Variants in GUCY2D observed in about 807,000 individuals in gnomAD.
GUCY2D encodes guanylate cyclase 2D, retinal, also known as retinal guanylyl cyclase 1.
Under a neutral mutation model 101.3 loss-of-function variants are expected in GUCY2D, and 70 were observed. That is an observed-to-expected ratio of 0.69 (90% CI 0.57 to 0.84). GUCY2D has a LOEUF of 0.84. Among genes scored for constraint, GUCY2D ranks in the 40% least tolerant of loss-of-function variants. GUCY2D has a pLI of 0.00. For missense variants in GUCY2D, 1,460 were observed against 1,542.5 expected (o/e 0.95, Z 0.90); for synonymous variants, 688 against 670.7 (o/e 1.03, Z -0.40).
In GUCY2D at chr17:8,011,542, G is replaced by A. The variant is rs895599602; in HGVS notation, c.1750-602G>A. Among the ~76,000 whole-genome samples, 1 of 152,096 alleles carries A rather than the reference G, an allele frequency of 6.6e-6. No individual in the cohort carries two copies. The highest frequency in any genetic ancestry group is 2.4e-5 in the African/African-American group (1 of 41,410). ...GGCAGTTCAGAGTTTTATGGCTGGG[G>A]CCAGGTGTGGTGGCTCAGGCCTATA... On this transcript the variant is annotated intron_variant, in intron 8 of 19. Transcript: ENST00000254854. This position sits in a 1 kb window ranked among gnomAD's most constrained non-coding sequence, Gnocchi z 4.3.
In GUCY2D at chr17:8,003,335, C is replaced by A. The variant is rs771426657; in HGVS notation, c.288C>A (p.Phe96Leu). The A allele has an allele frequency of 6.8e-7, 1 of 1,479,062 alleles. No individual in the cohort carries two copies. The highest frequency in any genetic ancestry group is 1.3e-5 in the South Asian group (1 of 78,004). 91.6% of individuals were successfully genotyped at this position (1,479,062 alleles called of 1,614,324 possible). A position where few individuals can be genotyped will look rare whatever the true frequency, so the allele number is the denominator to read the frequency against. Residue 96 changes from phenylalanine to leucine, a missense_variant, in exon 2 of 20, where the codon TTC (phenylalanine) becomes TTA (leucine). Around this residue, in one of 3 missense-constraint regions of GUCY2D, gnomAD observed 1,196 missense variants for 1,229.6 expected, o/e 0.97. Coordinates refer to ENST00000254854, the MANE Select transcript of GUCY2D (RefSeq NM_000180.4). Reference sequence around the variant, plus strand: ...CCGGCCTGGCAGGCGGTCCCCGCTTCGAGGTAGCGCTGCTGCCCGAGCCTT... The same window carrying A: ...CCGGCCTGGCAGGCGGTCCCCGCTTAGAGGTAGCGCTGCTGCCCGAGCCTT... The part of the protein sequence containing the change: ...RDPGLAGGPR[F>L]EVALLPEPCR...
rs1567956946 is a variant in GUCY2D at position 8,003,185 on chromosome 17, G to GC, written c.144dup (p.Ala49ArgfsTer270). 6 of 1,513,734 alleles carry GC rather than the reference G, an allele frequency of 4.0e-6. No individual in the cohort carries two copies. Among genetic ancestry groups the GC allele is most frequent in the African/African-American group, 1.4e-5 (1 of 69,332 alleles). The allele number at this position is 1,513,734 out of a possible 1,614,324, so 93.8% of individuals were successfully genotyped here. A position where few individuals can be genotyped will look rare whatever the true frequency, so the allele number is the denominator to read the frequency against. ...TCCTGCTGCTCCTGCTTCTGCTGCAGCCCCCCGCCCTCTCCGCCGTGTTCA... is the reference window on the plus strand; with the variant it reads ...TCCTGCTGCTCCTGCTTCTGCTGCAGCCCCCCCGCCCTCTCCGCCGTGTTCA... On this transcript the variant is annotated frameshift_variant, in exon 2 of 20. Transcript: ENST00000254854. LOFTEE classifies it high-confidence loss of function.
rs1263342867 is a variant in GUCY2D at position 8,015,474 on chromosome 17, C to T, written c.2916C>T (p.Pro972=). The T allele has an allele frequency of 5.0e-6, 8 of 1,612,864 alleles. No homozygotes were observed. The highest frequency in any genetic ancestry group is 3.3e-5 in the Admixed American group (2 of 59,988). Residue 972 remains proline, a synonymous_variant, in exon 15 of 20, where the codon CCC becomes CCT. Coordinates refer to ENST00000254854, the MANE Select transcript of GUCY2D (RefSeq NM_000180.4). ...GCATGCGCCATATGCCTGAGGTTCC[C>T]GTGCGCATCCGCATAGGCCTGCACT... is the stretch of plus-strand genomic sequence containing the variant. The part of the protein sequence containing the change: ...TFRMRHMPEV[P]VRIRIGLHSG...
In GUCY2D at chr17:8,006,460, G is replaced by T; in HGVS notation, c.1124G>T (p.Gly375Val). 6.2e-7 allele frequency: 1 copy of T among 1,605,746 alleles called. No individual in the cohort carries two copies. The change falls in exon 4 of 20, where the codon GGA (glycine) becomes GTA (valine). Residue 375 changes from glycine (G) to valine (V), a missense_variant. By Grantham distance (109) the Gly-to-Val change is moderately radical (BLOSUM62 -3). Transcript: ENST00000254854. ...GCCGCAGGTGGCAGATGGGTGTCCG[G>T]AGCAGCTGTGGCCCGCCACATCCGG... Reference protein sequence around the residue: ...RAAAGGRWVSGAAVARHIRDA... With the variant: ...RAAAGGRWVSVAAVARHIRDA...
At position 8,014,311 on chromosome 17, in the gene GUCY2D, A is replaced by G; in HGVS notation, c.2412+283A>G. On this transcript the variant is annotated intron_variant, in intron 12 of 19. Transcript: ENST00000254854. The surrounding 1 kb of genome is among the most constrained non-coding windows in gnomAD (Gnocchi z 4.0). ...AAGTATGTGCTTGGCCTGCTGTGAC[A>G]GAAAGACCCTTGGCCTGGGAGCCCA... 1.7e-6 allele frequency: 1 copy of G among 601,452 alleles called. No individual in the cohort carries two copies. Among genetic ancestry groups the G allele is most frequent in the Non-Finnish European group, 3.0e-6 (1 of 337,888 alleles). 37.3% of individuals were successfully genotyped at this position (601,452 alleles called of 1,614,324 possible).
In GUCY2D at chr17:8,003,299, G is replaced by A; in HGVS notation, c.252G>A (p.Leu84=). 1.3e-6 allele frequency: 2 copies of A among 1,489,970 alleles called. No individual in the cohort carries two copies. Among genetic ancestry groups the A allele is most frequent in the Non-Finnish European group, 1.8e-6 (2 of 1,126,312 alleles). 92.3% of individuals were successfully genotyped at this position (1,489,970 alleles called of 1,614,324 possible). ...CCGCCCGCCTGGCCGCCGCCCGCCT[G>A]AACCGCGACCCCGGCCTGGCAGGCG... ...DLAARLAAAR[L]NRDPGLAGGP... The change falls in exon 2 of 20, where the codon CTG becomes CTA. Residue 84 remains leucine (L), a synonymous_variant. Transcript: ENST00000254854.
intron 14 of GUCY2D, 99 bp from the exon 15 acceptor site, chr17:8,015,229 T>C: frequency 8.2e-7 from 1 of 1,214,602 alleles, no homozygotes; most frequent in Non-Finnish European, 1.2e-6. Flanking sequence ...AACCTGGTTC[T>C]GCACTAACCC....
chr17:8,014,701 G>T lies in GUCY2D; in HGVS notation c.2513G>T (p.Arg838Leu). 1 of 1,607,636 alleles carries T rather than the reference G, an allele frequency of 6.2e-7. No homozygotes were observed. ...AACCTGGAGGATCTGATCCGGGAGC[G>T]CACGGAGGAGCTGGAGCTGGAAAAG... The part of the protein sequence containing the change: ...SSNLEDLIRE[R>L]TEELELEKQK... Residue 838 changes from arginine (R) to leucine (L), a missense_variant, in exon 13 of 20, where the codon CGC becomes CTC. Coordinates refer to ENST00000254854, the MANE Select transcript of GUCY2D (RefSeq NM_000180.4). The surrounding 1 kb of genome is among the most constrained non-coding windows in gnomAD (Gnocchi z 4.0).
At position 8,006,370 on chromosome 17, in the gene GUCY2D, C is replaced by T. The variant is rs1975736953; in HGVS notation, c.1034C>T (p.Pro345Leu). The T allele has an allele frequency of 6.3e-7, 1 of 1,599,974 alleles. No individual in the cohort carries two copies. The highest frequency in any genetic ancestry group is 8.5e-7 in the Non-Finnish European group (1 of 1,179,804). ...PSDLNLQQVS[P>L]LFGTIYDAVF... ...CCTACTCTCCTTCTCCAGGTCTCCC[C>T]ACTCTTTGGCACCATCTATGACGCG... The change falls in exon 4 of 20, where the codon CCA (proline) becomes CTA (leucine). Residue 345 changes from proline (P) to leucine (L), a missense_variant. Physicochemically the swap from Pro to Leu is moderately conservative, Grantham distance 98. Transcript: ENST00000254854.
At position 8,003,968 on chromosome 17, in the gene GUCY2D, A is replaced by G; in HGVS notation, c.838A>G (p.Thr280Ala). ...CTCCCTGGTCTTCCTGCCCTTCGAC[A>G]CGATCCACTACGCCTTGTCCCCAGG... ...DGSLVFLPFD[T>A]IHYALSPGPE... Residue 280 changes from threonine (T) to alanine (A), a missense_variant, in exon 3 of 20, where the codon ACG becomes GCG. Thr to Ala is a moderately conservative substitution (Grantham distance 58). Around this residue, in one of 3 missense-constraint regions of GUCY2D, gnomAD observed 1,196 missense variants for 1,229.6 expected, o/e 0.97. Coordinates refer to ENST00000254854, the MANE Select transcript of GUCY2D (RefSeq NM_000180.4). The G allele has an allele frequency of 1.2e-6, 2 of 1,613,606 alleles. No individual in the cohort carries two copies. Among genetic ancestry groups the G allele is most frequent in the Non-Finnish European group, 1.7e-6 (2 of 1,179,872 alleles).
chr17:8,003,381 G>A lies in GUCY2D; in HGVS notation c.334G>A (p.Gly112Arg). Reference protein sequence around the residue: ...PEPCRTPGSLGAVSSALARVS... With the variant: ...PEPCRTPGSLRAVSSALARVS... ...GCCTTGCCGGACGCCGGGCTCGCTG[G>A]GGGCCGTGTCCTCCGCGCTGGCCCG... Residue 112 changes from glycine (G) to arginine (R), a missense_variant, in exon 2 of 20, where the codon GGG becomes AGG. Transcript: ENST00000254854. 6.8e-7 allele frequency: 1 copy of A among 1,468,474 alleles called. No homozygotes were observed. The highest frequency in any genetic ancestry group is 9.0e-7 in the Non-Finnish European group (1 of 1,117,010). 91.0% of individuals were successfully genotyped at this position (1,468,474 alleles called of 1,614,324 possible). A position where few individuals can be genotyped will look rare whatever the true frequency, so the allele number is the denominator to read the frequency against.
At position 8,015,322 on chromosome 17, in the gene GUCY2D, C is replaced by T. The variant is rs1975943257; in HGVS notation, c.2770-6C>T. On this transcript the variant is annotated splice_region_variant and splice_polypyrimidine_tract_variant and intron_variant, in intron 14 of 19. Transcript: ENST00000254854. ...AGAAAATTCACACAACTCCTTCTTC[C>T]CCCAGGTGGAGACAATAGGGGACGC... 1 of 1,604,064 alleles carries T rather than the reference C, an allele frequency of 6.2e-7. No homozygotes were observed. The highest frequency in any genetic ancestry group is 2.2e-5 in the East Asian group (1 of 44,880).
chr17:8,006,245 G>C (rs1338714789), intron 3 of GUCY2D, 118 bp from the exon 4 acceptor site: 1 of 777,982 alleles, frequency 1.3e-6, no homozygotes, highest in Non-Finnish European at 2.2e-6. Context: ...AGGGATCCTG[G>C]GAACAACTAA....
rs1598150379 is a variant in GUCY2D, at chr17:8,014,448, C to T, written c.2413-153C>T. 1.3e-6 allele frequency: 1 copy of T among 754,556 alleles called. No individual in the cohort carries two copies. Among genetic ancestry groups the T allele is most frequent in the Non-Finnish European group, 2.3e-6 (1 of 426,492 alleles). The allele number at this position is 754,556 out of a possible 1,614,324, so 46.7% of individuals were successfully genotyped here. A position where few individuals can be genotyped will look rare whatever the true frequency, so the allele number is the denominator to read the frequency against. On this transcript the variant is annotated intron_variant, in intron 12 of 19. Coordinates refer to ENST00000254854, the MANE Select transcript of GUCY2D (RefSeq NM_000180.4). This position sits in a 1 kb window ranked among gnomAD's most constrained non-coding sequence, Gnocchi z 4.0. ...TCGTGTCTGAAAACACAGTGCCCAG[C>T]ACCCCGGGGTGCTTGATGAATAGTA...
At chr17:8,016,122 G>A (rs1404510989) in intron 17 of GUCY2D, 83 bp from the exon 18 acceptor site, 1 of 1,337,634 alleles carries the variant, frequency 7.5e-7, no homozygotes, top group Admixed American at 2.0e-5. Flanking sequence ...TTCTGACCTG[G>A]TCTCCCAGTT....
In GUCY2D at chr17:8,016,340, C is replaced by T. The variant is rs1264007047; in HGVS notation, c.3224+50C>T. ...GGCGAGGGACGAGGGACCCCTGCCT[C>T]CTGCTCTGTGTCTGACCCCCCGCGC... is the stretch of plus-strand genomic sequence containing the variant. On this transcript the variant is annotated intron_variant, in intron 18 of 19. Coordinates refer to ENST00000254854, the MANE Select transcript of GUCY2D (RefSeq NM_000180.4). The T allele has an allele frequency of 2.7e-6, 4 of 1,456,398 alleles. No individual in the cohort carries two copies. The East Asian group carries it at 7.3e-5, about 27-fold the overall frequency. 90.2% of individuals were successfully genotyped at this position (1,456,398 alleles called of 1,614,324 possible). A position where few individuals can be genotyped will look rare whatever the true frequency, so the allele number is the denominator to read the frequency against.
intron 3 of GUCY2D, among the ~76,000 whole-genome samples, chr17:8,006,092 G>A (rs550028183): frequency 1.3e-5 from 2 of 152,238 alleles, no homozygotes. Context: ...GTCCTGAAAA[G>A]AGGAACCAGT....
rs762876977 is a variant in GUCY2D, at chr17:8,016,413, T to C, written c.3225-30T>C. On this transcript the variant is annotated intron_variant, in intron 18 of 19. Coordinates refer to ENST00000254854, the MANE Select transcript of GUCY2D (RefSeq NM_000180.4). The stretch of plus-strand genomic sequence containing the variant: ...CCTGCCCTCCCACGCCCCATTCCCC[T>C]TCCCTGAGGCCACCGCCCCCTCCTT... The C allele has an allele frequency of 1.1e-5, 16 of 1,498,520 alleles. No homozygotes were observed. In the South Asian group the frequency reaches 1.9e-4, roughly 18 times the overall value. The allele number at this position is 1,498,520 out of a possible 1,614,324, so 92.8% of individuals were successfully genotyped here.
rs751582497 is a variant in GUCY2D at position 8,008,043 on chromosome 17, C to T, written c.1668+11C>T. 2 of 1,543,908 alleles carry T rather than the reference C, an allele frequency of 1.3e-6. No homozygotes were observed. Among genetic ancestry groups the T allele is most frequent in the South Asian group, 2.2e-5 (2 of 89,362 alleles). On this transcript the variant is annotated intron_variant, in intron 7 of 19. Coordinates refer to ENST00000254854, the MANE Select transcript of GUCY2D (RefSeq NM_000180.4). ...ATTGGTGTCTATGAGGTGAGCCTGA[C>T]CCCAGCCAGACAGAGAGACAGTGGG...
Sources: allele counts gnomAD v4.1 joint callset (sites outside exome capture counted in the v4.1 genomes callset), GRCh38; gene constraint gnomAD v4.1.1; regional missense constraint gnomAD v4.1.1; non-coding constraint Gnocchi (gnomAD v3.1); transcripts MANE v1.5; gene names NCBI Gene and HGNC (gene_info 2026-07-23, HGNC 2026-07-21).